The following GSE1 variants were observed in gnomAD, a reference collection of about 807,000 sequenced individuals.
The protein encoded by GSE1 is genetic suppressor element 1.
In GSE1, 32 loss-of-function variants were observed where a neutral mutation model predicts 112.6. The ratio of observed to expected loss-of-function variants is 0.28; its 90% CI spans 0.21 to 0.38. The LOEUF (loss-of-function observed/expected upper bound fraction) is 0.38, where lower values mean the gene tolerates loss of function less well. GSE1 is among the 10% of genes least tolerant of loss of function. The probability of loss-of-function intolerance (pLI) is 1.00; values close to 1 mark genes in which losing one functional copy is unlikely to be tolerated. For missense variants in GSE1, 2,348 were observed against 1,699.2 expected, an observed-to-expected ratio of 1.38 and a Z score of -6.71; for synonymous variants, 1,115 against 735.6, an observed-to-expected ratio of 1.52 and a Z score of -8.35.
At chr16:85,335,833 G>T (rs904833330) in intron 1 of GSE1, among the ~76,000 whole-genome samples, 5 of 144,838 alleles carry the variant, frequency 3.5e-5, no homozygotes, top group Admixed American at 6.9e-5. Flanking sequence ...AGCCGGGCGC[G>T]CTGGGAGCAG....
At chr16:85,525,572 T>C (rs1206450370) in intron 2 of GSE1, among the ~76,000 whole-genome samples, 3 of 152,108 alleles carry the variant, frequency 2.0e-5, no homozygotes, top group African/African-American at 7.2e-5. Context: ...ATCCCCCAAA[T>C]GGGGGGTGTC....
At chr16:85,491,597 G>A (rs1049554393) in intron 2 of GSE1, among the ~76,000 whole-genome samples, 1 of 152,176 alleles carries the variant, frequency 6.6e-6, no homozygotes, top group Non-Finnish European at 1.5e-5. Flanking sequence ...CTGTGTGGCA[G>A]CTGGAAGGAG....
At chr16:85,509,368 T>TGG (rs1375047503) in intron 2 of GSE1, among the ~76,000 whole-genome samples, 2 of 152,208 alleles carry the variant, frequency 1.3e-5, no homozygotes, top group Non-Finnish European at 2.9e-5. Context: ...CTCAGAACAA[T>TGG]GGGGGAGTGG....
intron 1 of GSE1, among the ~76,000 whole-genome samples, chr16:85,182,172 G>A (rs1212434562): frequency 6.9e-6 from 1 of 145,576 alleles, no homozygotes. Context: ...CCCGCCCCCC[G>A]CTGCCAGGAG....
At position 85,506,607 on chromosome 16, in the gene GSE1, G is replaced by A. The variant is rs74031822; in HGVS notation, c.2465-127307G>A. Among the ~76,000 whole-genome samples the A allele has an allele frequency of 1.6e-3, 251 of 152,154 alleles. 1 individual carries two copies. Among genetic ancestry groups the A allele is most frequent in the African/African-American group, 5.1e-3 (210 of 41,494 alleles). On this transcript the variant is annotated intron_variant, in intron 2 of 2. Transcript: ENST00000637419. ...GAGGTTGGCCCAGGTAGGGGAAAAC[G>A]CACTCTCATGGGTCGGGTGTTTTCT...
chr16:85,639,782 C>T (rs920346711), intron 2 of GSE1, among the ~76,000 whole-genome samples: 1 of 152,368 alleles, frequency 6.6e-6, no homozygotes, highest in Non-Finnish European at 1.5e-5. Flanking sequence ...GAAGCCAGGG[C>T]TGCTGCCAGG....
chr16:85,399,353 G>A (rs1168370273), intron 2 of GSE1, among the ~76,000 whole-genome samples: 3 of 152,168 alleles, frequency 2.0e-5, no homozygotes, highest in Non-Finnish European at 4.4e-5. Flanking sequence ...GCTTCCGGGG[G>A]GGTTCAGTCC....
intron 2 of GSE1, among the ~76,000 whole-genome samples, chr16:85,423,567 T>C (rs1031773655): frequency 2.1e-5 from 3 of 140,684 alleles, no homozygotes; most frequent in Non-Finnish European, 4.6e-5. Context: ...CACCATGCAC[T>C]AACATGGGAA....
chr16:85,637,403 T>C (rs951172975), intron 2 of GSE1, among the ~76,000 whole-genome samples: 1 of 152,240 alleles, frequency 6.6e-6, no homozygotes, highest in Non-Finnish European at 1.5e-5. Flanking sequence ...GCTGCCTTTC[T>C]GCTCCGTCCT....
chr16:85,234,474 TGCCCTGGAGACGGATGGGC>T (rs2143863313), intron 1 of GSE1, among the ~76,000 whole-genome samples: 1 of 152,308 alleles, frequency 6.6e-6, no homozygotes, highest in East Asian at 1.9e-4. Context: ...TGCTATTCTC[TGCCCTGGAGACGGATGGGC>T]GGTTAGGTGG....
chr16:85,575,284 C>A (rs1598246562), intron 1 of GSE1, among the ~76,000 whole-genome samples: 1 of 152,322 alleles, frequency 6.6e-6, no homozygotes, highest in Non-Finnish European at 1.5e-5. Flanking sequence ...GAGCAGCTTT[C>A]AAACGAGGCA....
chr16:85,194,479 G>T (rs1250684028), intron 1 of GSE1, among the ~76,000 whole-genome samples: 1 of 151,806 alleles, frequency 6.6e-6, no homozygotes, highest in East Asian at 1.9e-4. Context: ...GATTCAGACT[G>T]GTTACCAGGG....
Position 85,576,855 on chromosome 16 carries a change from C to T in GSE1, c.37+20492C>T, listed in dbSNP as rs114592679. ...CACTGCAAAGCCTGTGGATTAGACA[C>T]GGGGACCCTGGGTCATCACTGGGCT... On this transcript the variant is annotated intron_variant, in intron 1 of 2. Transcript: ENST00000635906. Among the ~76,000 whole-genome samples the T allele has an allele frequency of 7.1e-3, 1,083 of 152,240 alleles. 16 individuals are homozygous for T. Among genetic ancestry groups the T allele is most frequent in the African/African-American group, 0.024 (1,009 of 41,528 alleles).
rs2053431048 is a variant in GSE1, at chr16:85,672,459, G to C, written c.3574G>C (p.Glu1192Gln). 6.2e-7 allele frequency: 1 copy of C among 1,609,114 alleles called. No individual in the cohort carries two copies. The highest frequency in any genetic ancestry group is 1.3e-5 in the African/African-American group (1 of 74,834). The change falls in exon 16 of 16, where the codon GAA becomes CAA. Residue 1192 changes from glutamate to glutamine, a missense_variant. Transcript: ENST00000253458. ...CTCAGAAAGGGAGCGGCTCCAGGCA[G>C]AACTGGACCACTTACGAAAGTGCCT... ...MVSERERLQA[E>Q]LDHLRKCLAL...
chr16:85,476,653 T>G (rs1246216279), intron 2 of GSE1, among the ~76,000 whole-genome samples: 2 of 152,166 alleles, frequency 1.3e-5, no homozygotes, highest in African/African-American at 4.8e-5. Flanking sequence ...TATTTATTTT[T>G]GAGACAGGGT....
intron 1 of GSE1, 29 bp from the exon 2 acceptor site, chr16:85,633,885 G>T: frequency 6.4e-7 from 1 of 1,572,086 alleles, no homozygotes; most frequent in South Asian, 1.1e-5. Context: ...CTCTCTGGGT[G>T]ACCTCTGGTT....
intron 2 of GSE1, among the ~76,000 whole-genome samples, chr16:85,459,515 AG>A (rs2049918172): frequency 6.6e-6 from 1 of 152,158 alleles, no homozygotes; most frequent in Non-Finnish European, 1.5e-5. Context: ...ATTGGCTGTT[AG>A]GGGCTTAAAG....
At chr16:85,281,606 C>T (rs1300121122) in intron 1 of GSE1, among the ~76,000 whole-genome samples, 2 of 152,114 alleles carry the variant, frequency 1.3e-5, no homozygotes, top group Admixed American at 6.5e-5. Flanking sequence ...CCTCTAAAAA[C>T]GATATGCAAT....
intron 1 of GSE1, among the ~76,000 whole-genome samples, chr16:85,199,950 T>C (rs914214958): frequency 3.3e-5 from 5 of 152,070 alleles, no homozygotes; most frequent in Non-Finnish European, 5.9e-5. Context: ...GGGGGACACA[T>C]GAAACTCCTA....
Sources: gnomAD v4.1 joint callset for allele counts (sites outside exome capture counted in the v4.1 genomes callset) on GRCh38, gnomAD v4.1.1 for gene constraint, MANE v1.5 for transcripts, NCBI Gene and HGNC (gene_info 2026-07-23, HGNC 2026-07-21) for gene names.